The following C11orf91 variants were observed in gnomAD, a reference collection of about 807,000 sequenced individuals.
The protein encoded by C11orf91 is chromosome 11 open reading frame 91, also known as uncharacterized protein C11orf91.
C11orf91 carries 10 observed loss-of-function variants against 14.3 expected under a neutral mutation model. That is an observed-to-expected ratio of 0.70 (90% CI 0.43 to 1.18). The LOEUF (loss-of-function observed/expected upper bound fraction) is 1.18. Among genes scored for constraint, C11orf91 ranks in the 50% most tolerant of loss-of-function variants. C11orf91 has a pLI of 0.00. For synonymous variants in C11orf91, 141 were observed against 130.6 expected (o/e 1.08, Z -0.54); for missense variants, 236 against 269.0 (o/e 0.88, Z 0.86).
chr11:33,698,366 G>T lies in C11orf91; in HGVS notation c.*63C>A. The stretch of plus-strand genomic sequence containing the variant: ...ACCATCTTTGAAATGACAACAAATG[G>T]GACACATTATCTAAGCACTAACACC... On this transcript the variant is annotated 3_prime_UTR_variant, in exon 2 of 2. Coordinates refer to ENST00000379011, the MANE Select transcript of C11orf91 (RefSeq NM_001166692.2). 1 of 933,992 alleles carries T rather than the reference G, an allele frequency of 1.1e-6. No homozygotes were observed. Among genetic ancestry groups the T allele is most frequent in the Non-Finnish European group, 1.7e-6 (1 of 600,380 alleles). The allele number at this position is 933,992 out of a possible 1,614,324, so 57.9% of individuals were successfully genotyped here. A position where few individuals can be genotyped will look rare whatever the true frequency, so the allele number is the denominator to read the frequency against.
chr11:33,700,221 G>C (rs1853097369), intron 1 of C11orf91, 24 bp downstream of exon 1: 1 of 1,523,882 alleles, frequency 6.6e-7, no homozygotes, highest in South Asian at 1.2e-5. Flanking sequence ...GGCTGGGCTC[G>C]GTGGCCCTGG....
upstream of C11orf91, among the ~76,000 whole-genome samples, chr11:33,701,668 G>C (rs1177231018): frequency 6.6e-6 from 1 of 152,048 alleles, no homozygotes; most frequent in East Asian, 1.9e-4. Flanking sequence ...GGTATGACTA[G>C]TGATGGGTGG....
intron 1 of C11orf91, among the ~76,000 whole-genome samples, chr11:33,698,887 T>A (rs1395194290): frequency 6.6e-6 from 1 of 150,542 alleles, no homozygotes; most frequent in Non-Finnish European, 1.5e-5. Flanking sequence ...TTCAAGCGAT[T>A]CTCCTGCCTC....
chr11:33,702,444 G>A (rs920201142), upstream of C11orf91, among the ~76,000 whole-genome samples: 1 of 152,086 alleles, frequency 6.6e-6, no homozygotes, highest in Admixed American at 6.6e-5. Context: ...GACAAGGCAG[G>A]ACCCTGTCTC....
At chr11:33,701,754 AGT>A (rs35903408), upstream of C11orf91, among the ~76,000 whole-genome samples, 69,738 of 148,746 alleles carry the variant, frequency 0.47, 16,420 homozygotes, top group Non-Finnish European at 0.52. Context: ...CACAGTGCAA[AGT>A]GTGTGTGTGT....
At chr11:33,698,774 ATTTTTTT>A (rs55712821) in intron 1 of C11orf91, among the ~76,000 whole-genome samples, 5 of 104,606 alleles carry the variant, frequency 4.8e-5, no homozygotes, top group Admixed American at 4.3e-4. Context: ...TCTTCTTCTA[ATTTTTTT>A]TTTTTTTTTT....
chr11:33,699,832 T>G (rs1853090437), intron 1 of C11orf91, among the ~76,000 whole-genome samples: 1 of 152,138 alleles, frequency 6.6e-6, no homozygotes, highest in Admixed American at 6.5e-5. Context: ...CTTCCCCCCA[T>G]GGAGAGCCCC....
At chr11:33,705,565 G>A (rs920661518), upstream of C11orf91, 1 of 152,268 alleles carries the variant, frequency 6.6e-6, no homozygotes, top group Non-Finnish European at 1.5e-5. Flanking sequence ...TTGGTTGCCA[G>A]GGGCTCTTGG....
upstream of C11orf91, chr11:33,703,857 C>T (rs892110786): frequency 2.6e-5 from 4 of 152,250 alleles, no homozygotes; most frequent in African/African-American, 7.2e-5. Flanking sequence ...CAGCATTCTT[C>T]ACTCTCTATT....
upstream of C11orf91, among the ~76,000 whole-genome samples, chr11:33,701,505 C>T (rs1312550342): frequency 1.3e-5 from 2 of 152,216 alleles, no homozygotes; most frequent in Admixed American, 1.3e-4. Flanking sequence ...TCCTGTCCGC[C>T]CTACCTCAAA....
At chr11:33,702,275 G>A (rs1254855041), upstream of C11orf91, among the ~76,000 whole-genome samples, 1 of 152,134 alleles carries the variant, frequency 6.6e-6, no homozygotes, top group African/African-American at 2.4e-5. Flanking sequence ...GCAACATAGC[G>A]AGATTCTGTC....
upstream of C11orf91, chr11:33,704,256 T>G (rs529415307): frequency 6.6e-6 from 1 of 152,208 alleles, no homozygotes; most frequent in Non-Finnish European, 1.5e-5. Flanking sequence ...TGAACCCCAA[T>G]TGTCTCTGAT....
At chr11:33,704,761 T>TA (rs1853242694), upstream of C11orf91, 1 of 152,542 alleles carries the variant, frequency 6.6e-6, no homozygotes, top group South Asian at 2.1e-4. Context: ...ATTGTCACCC[T>TA]AGCCTTCAGG....
chr11:33,702,730 C>A, upstream of C11orf91: 1 of 392,464 alleles, frequency 2.5e-6, no homozygotes. Flanking sequence ...AGGCCCCAGG[C>A]TCTGAACCTA....
upstream of C11orf91, among the ~76,000 whole-genome samples, chr11:33,702,464 A>T: frequency 6.6e-6 from 1 of 152,244 alleles, no homozygotes; most frequent in East Asian, 1.9e-4. Context: ...CAAAATAAAT[A>T]AAATAAAATA....
At chr11:33,703,062 AT>A (rs1204592411), upstream of C11orf91, 1 of 152,250 alleles carries the variant, frequency 6.6e-6, no homozygotes, top group African/African-American at 2.4e-5. Flanking sequence ...CAATACAATC[AT>A]TTTTTATGTA....
At chr11:33,703,652 G>A (rs1424376708), upstream of C11orf91, 1 of 152,242 alleles carries the variant, frequency 6.6e-6, no homozygotes, top group Non-Finnish European at 1.5e-5. Flanking sequence ...TACCCAGCGT[G>A]AGGCCAGGTT....
intron 1 of C11orf91, among the ~76,000 whole-genome samples, chr11:33,700,033 A>G (rs1853094477): frequency 1.3e-5 from 2 of 152,102 alleles, no homozygotes; most frequent in African/African-American, 2.4e-5. Flanking sequence ...GGAGTTTGGG[A>G]CTAAGAGGCT....
In C11orf91 at chr11:33,700,495, C is replaced by G; in HGVS notation, c.246G>C (p.Leu82=). 7.5e-7 allele frequency: 1 copy of G among 1,329,926 alleles called. No individual in the cohort carries two copies. Among genetic ancestry groups the G allele is most frequent in the African/African-American group, 1.6e-5 (1 of 63,216 alleles). The allele number at this position is 1,329,926 out of a possible 1,614,324, so 82.4% of individuals were successfully genotyped here. Residue 82 remains leucine, a synonymous_variant, in exon 1 of 2, where the codon CTG becomes CTC. Transcript: ENST00000379011. ...GCCAGGGGCGCTCGCTGGAGGGACC[C>G]AGGCCGGGTGGTGGCGGGGGCGGGG... The part of the protein sequence containing the change: ...PAPPPPPPPG[L]GPSSERPWPS...
Sources: allele counts gnomAD v4.1 joint callset (sites outside exome capture counted in the v4.1 genomes callset), GRCh38; gene constraint gnomAD v4.1.1; transcripts MANE v1.5; gene names NCBI Gene and HGNC (gene_info 2026-07-23, HGNC 2026-07-21).